DAZL: variants seen among roughly 807,000 people sequenced by gnomAD.
The protein encoded by DAZL is deleted in azoospermia like.
DAZL carries 4 observed loss-of-function variants against 45.0 expected under a neutral mutation model. That is an observed-to-expected ratio of 0.09 (90% CI 0.04 to 0.20). DAZL has a LOEUF of 0.20. Ranked by LOEUF, DAZL falls within the 10% of genes least tolerant of loss-of-function variation. The probability of loss-of-function intolerance (pLI) is 1.00; values close to 1 mark genes in which losing one functional copy is unlikely to be tolerated. For synonymous variants in DAZL, 122 were observed against 112.4 expected (o/e 1.09, Z -0.54); for missense variants, 326 against 351.3 (o/e 0.93, Z 0.58).
At chr3:16,602,938 T>C (rs58869003) in intron 1 of DAZL, among the ~76,000 whole-genome samples, 21,299 of 152,162 alleles carry the variant, frequency 0.14, 1,928 homozygotes, top group East Asian at 0.46. Flanking sequence ...ATACAGTCTT[T>C]ATGAATCAAT....
chr3:16,597,596 G>C, intron 3 of DAZL, 55 bp from the exon 4 acceptor site: 3 of 1,063,634 alleles, frequency 2.8e-6, no homozygotes, highest in Non-Finnish European at 4.4e-6. Context: ...ACATGGTTCA[G>C]AACTTCTACT....
At position 16,605,236 on chromosome 3, in the gene DAZL, T is replaced by G. The variant is rs1694761176; in HGVS notation, c.-31A>C. On this transcript the variant is annotated 5_prime_UTR_variant, in exon 1 of 11. Coordinates refer to ENST00000399444, the MANE Select transcript of DAZL (RefSeq NM_001351.4). ...CGGCAGGCAGCAGTTCCCGACCGGC[T>G]CCAGGAGGAGCAGAGGCTGTGCTTG... 1.2e-6 allele frequency: 2 copies of G among 1,613,968 alleles called. No individual in the cohort carries two copies. Among genetic ancestry groups the G allele is most frequent in the Non-Finnish European group, 1.7e-6 (2 of 1,179,960 alleles).
At chr3:16,598,058 G>C (rs542112902) in intron 3 of DAZL, 29 bp downstream of exon 3, 2 of 1,493,432 alleles carry the variant, frequency 1.3e-6, no homozygotes, top group African/African-American at 2.8e-5. Context: ...CGTGGCTAGA[G>C]TTCAGATATT....
At chr3:16,602,064 G>C (rs142830882) in intron 1 of DAZL, among the ~76,000 whole-genome samples, 217 of 152,166 alleles carry the variant, frequency 1.4e-3, no homozygotes, top group Middle Eastern at 0.014. Context: ...AAGAAAATAT[G>C]ACATGAAAAT....
chr3:16,602,790 T>G (rs1312480483), intron 1 of DAZL, among the ~76,000 whole-genome samples: 1 of 152,200 alleles, frequency 6.6e-6, no homozygotes, highest in Admixed American at 6.5e-5. Flanking sequence ...TTATTTTCTA[T>G]CAATCTAATT....
Position 16,605,289 on chromosome 3 carries a change from G to T in DAZL, c.-84C>A. ...GCACCACTTCTGGGGCTGCTGTGAG[G>T]TCCGCTGGAACCCGCTGCGCGGCTT... On this transcript the variant is annotated 5_prime_UTR_variant, in exon 1 of 11. Transcript: ENST00000399444. The T allele has an allele frequency of 6.4e-7, 1 of 1,555,416 alleles. No individual in the cohort carries two copies. The highest frequency in any genetic ancestry group is 8.9e-7 in the Non-Finnish European group (1 of 1,126,642).
rs761345541 is a variant in DAZL at position 16,598,610 on chromosome 3, A to G, written c.4-12T>C. 1 of 1,590,972 alleles carries G rather than the reference A, an allele frequency of 6.3e-7. No homozygotes were observed. The highest frequency in any genetic ancestry group is 1.7e-4 in the Middle Eastern group (1 of 5,970). On this transcript the variant is annotated splice_polypyrimidine_tract_variant and intron_variant, in intron 1 of 10. Transcript: ENST00000399444. ...GGATTTGCAGTAGACTGTAATTTGG[A>G]AAGTAGACATCATAATTAGATACAC...
In DAZL at chr3:16,587,601, T is replaced by A. The variant is rs1485580830; in HGVS notation, c.*1059A>T. 2.0e-5 allele frequency: 3 copies of A among 152,612 alleles called. No homozygotes were observed. The East Asian group carries it at 5.8e-4, about 29-fold the overall frequency. 9.5% of individuals were successfully genotyped at this position (152,612 alleles called of 1,614,324 possible). ...AAGACACCAGCTAATCTAGAAACAA[T>A]GCTAACTTTTAACTCTAGCACATTC... On this transcript the variant is annotated 3_prime_UTR_variant, in exon 11 of 11. Transcript: ENST00000399444.
intron 10 of DAZL, among the ~76,000 whole-genome samples, chr3:16,590,651 G>A (rs1187981937): frequency 3.9e-5 from 6 of 152,128 alleles, no homozygotes; most frequent in African/African-American, 1.4e-4. Flanking sequence ...ACAGATGAAT[G>A]GATAAACAGA....
intron 1 of DAZL, among the ~76,000 whole-genome samples, chr3:16,600,156 A>G (rs1216066571): frequency 6.6e-6 from 1 of 152,226 alleles, no homozygotes; most frequent in Non-Finnish European, 1.5e-5. Flanking sequence ...GGTAACTACA[A>G]AAAGCTGCAA....
Position 16,598,095 on chromosome 3 carries a change from C to T in DAZL, c.234G>A (p.Val78=), listed in dbSNP as rs770832883. ...TTGATAAAATTACTCACCCTTTGGA[C>T]ACACCAGTTCGATCAGTGATTATCT... The part of the protein sequence containing the change: ...EVKIITDRTG[V]SKGYGFVSFF... Residue 78 remains valine (V), a synonymous_variant, in exon 3 of 11, where the codon GTG becomes GTA. Coordinates refer to ENST00000399444, the MANE Select transcript of DAZL (RefSeq NM_001351.4). 10 of 1,589,292 alleles carry T rather than the reference C, an allele frequency of 6.3e-6. No homozygotes were observed. In the South Asian group the frequency reaches 9.9e-5, roughly 16 times the overall value.
At chr3:16,598,405 T>C (rs1380060603) in intron 2 of DAZL, 47 bp downstream of exon 2, 1 of 1,596,336 alleles carries the variant, frequency 6.3e-7, no homozygotes, top group Non-Finnish European at 8.6e-7. Flanking sequence ...CCAAATCCCA[T>C]TATTCATAAT....
At chr3:16,590,658 C>G (rs1388870952) in intron 10 of DAZL, among the ~76,000 whole-genome samples, 5 of 152,044 alleles carry the variant, frequency 3.3e-5, no homozygotes, top group African/African-American at 1.2e-4. Flanking sequence ...AATGGATAAA[C>G]AGAATGAATA....
chr3:16,592,447 A>C (rs1694536008), intron 9 of DAZL, among the ~76,000 whole-genome samples: 1 of 151,750 alleles, frequency 6.6e-6, no homozygotes, highest in Non-Finnish European at 1.5e-5. Context: ...GGGTGCCTGT[A>C]ATCTCAGCTA....
intron 6 of DAZL, 80 bp downstream of exon 6, chr3:16,596,670 C>G (rs780509721): frequency 6.8e-7 from 1 of 1,479,194 alleles, no homozygotes; most frequent in Non-Finnish European, 9.4e-7. Flanking sequence ...TTACCACTTA[C>G]TACAGAAATT....
At chr3:16,595,266 G>C (rs1694580227) in intron 7 of DAZL, 48 bp downstream of exon 7, 1 of 1,034,974 alleles carries the variant, frequency 9.7e-7, no homozygotes, top group Non-Finnish European at 1.4e-6. Context: ...CAAGTTAAAG[G>C]CCTCAATAAA....
At chr3:16,599,010 C>A (rs6800888) in intron 1 of DAZL, among the ~76,000 whole-genome samples, 3 of 151,682 alleles carry the variant, frequency 2.0e-5, no homozygotes, top group African/African-American at 7.3e-5. Context: ...CTCGAACTCC[C>A]GACCTCAGGT....
At chr3:16,604,788 A>C in intron 1 of DAZL, 1 of 1,275,962 alleles carries the variant, frequency 7.8e-7, no homozygotes, top group Non-Finnish European at 1.0e-6. Flanking sequence ...GGCGCGTGGG[A>C]GTGGGGGAGG....
rs1039304421 is a variant in DAZL at position 16,587,051 on chromosome 3, T to C, written c.*1609A>G. The C allele has an allele frequency of 1.3e-5, 2 of 152,150 alleles. No homozygotes were observed. Among genetic ancestry groups the C allele is most frequent in the African/African-American group, 4.8e-5 (2 of 41,450 alleles). The allele number at this position is 152,150 out of a possible 1,614,324, so 9.4% of individuals were successfully genotyped here. ...CATTTATAGTAAGCTGGAGATTTAA[T>C]CACAGAATGATATGTGTCAGAATGT... On this transcript the variant is annotated 3_prime_UTR_variant, in exon 11 of 11. Coordinates refer to ENST00000399444, the MANE Select transcript of DAZL (RefSeq NM_001351.4).
Sources: gnomAD v4.1 joint callset for allele counts (sites outside exome capture counted in the v4.1 genomes callset) on GRCh38, gnomAD v4.1.1 for gene constraint, MANE v1.5 for transcripts, NCBI Gene and HGNC (gene_info 2026-07-23, HGNC 2026-07-21) for gene names.